Variants in PTPN3 observed in about 807,000 individuals in gnomAD.
PTPN3 encodes the protein tyrosine-protein phosphatase non-receptor type 3.
PTPN3 carries 96 observed loss-of-function variants against 132.7 expected under a neutral mutation model. The observed-to-expected ratio is 0.72, with a 90% CI of 0.61 to 0.86. PTPN3 has a LOEUF of 0.86. Ranked by LOEUF, PTPN3 falls within the 40% of genes least tolerant of loss-of-function variation. The pLI is 0.00. For synonymous variants in PTPN3, 398 were observed against 429.0 expected (o/e 0.93, Z 0.89); for missense variants, 1,125 against 1,159.6 (o/e 0.97, Z 0.43).
At chr9:109,433,916 TAAA>T (rs1170933792) in intron 9 of PTPN3, among the ~76,000 whole-genome samples, 4,304 of 98,290 alleles carry the variant, frequency 0.044, 262 homozygotes, top group East Asian at 0.26. Context: ...AGACTCTGTT[TAAA>T]AAAAAAAAAA....
intron 19 of PTPN3, among the ~76,000 whole-genome samples, chr9:109,402,640 G>C (rs1377053998): frequency 6.6e-6 from 1 of 152,078 alleles, no homozygotes; most frequent in Non-Finnish European, 1.5e-5. Flanking sequence ...GAAAAAAAGG[G>C]CTATTTCCCT....
At chr9:109,423,658 C>A (rs1033900620) in intron 12 of PTPN3, among the ~76,000 whole-genome samples, 3 of 152,120 alleles carry the variant, frequency 2.0e-5, no homozygotes, top group African/African-American at 7.2e-5. Context: ...AAATGTGCTA[C>A]CCTGAAGGTT....
intron 7 of PTPN3, among the ~76,000 whole-genome samples, chr9:109,444,744 A>G (rs1007500985): frequency 3.3e-5 from 5 of 152,226 alleles, no homozygotes; most frequent in Non-Finnish European, 7.3e-5. Flanking sequence ...ACAATCCATT[A>G]GCTATACTGC....
chr9:109,520,768 G>A, the PTPN3 span, among the ~76,000 whole-genome samples: 15 of 152,194 alleles, frequency 9.9e-5, no homozygotes, highest in Non-Finnish European at 1.5e-5. Context: ...TGCGTCCACA[G>A]AAGGCCACAA....
At chr9:109,415,110 C>G (rs1401707147) in intron 14 of PTPN3, among the ~76,000 whole-genome samples, 1 of 151,480 alleles carries the variant, frequency 6.6e-6, no homozygotes, top group Non-Finnish European at 1.5e-5. Context: ...ATCCATCCAT[C>G]CATCCATCCA....
At chr9:109,421,308 A>G (rs1260406023) in intron 13 of PTPN3, among the ~76,000 whole-genome samples, 1 of 152,142 alleles carries the variant, frequency 6.6e-6, no homozygotes, top group Non-Finnish European at 1.5e-5. Flanking sequence ...CAGCTCCTGC[A>G]GCGGGGGATC....
intron 9 of PTPN3, among the ~76,000 whole-genome samples, chr9:109,435,619 C>T (rs911611085): frequency 2.0e-5 from 3 of 152,188 alleles, no homozygotes; most frequent in African/African-American, 7.2e-5. Context: ...TGACCAACCC[C>T]CTCTGATACT....
the PTPN3 span, among the ~76,000 whole-genome samples, chr9:109,507,175 C>G: frequency 6.6e-6 from 1 of 152,118 alleles, no homozygotes; most frequent in African/African-American, 2.4e-5. Flanking sequence ...AGGGATGGAA[C>G]AGAAGAGAGC....
intron 1 of PTPN3, among the ~76,000 whole-genome samples, chr9:109,477,509 A>T (rs1401653310): frequency 6.6e-6 from 1 of 152,246 alleles, no homozygotes; most frequent in Non-Finnish European, 1.5e-5. Context: ...TGATTTCAGA[A>T]GCATTAAAGT....
chr9:109,436,938 T>C lies in PTPN3; in HGVS notation c.620A>G (p.Tyr207Cys). 5 of 1,614,138 alleles carry C rather than the reference T, an allele frequency of 3.1e-6. No individual in the cohort carries two copies. The highest frequency in any genetic ancestry group is 4.2e-6 in the Non-Finnish European group (5 of 1,179,992). ...GTCGAGGGTCCGCGCTATGTTGATA[T>C]AGCAGGATTCTGCTTCTGATTGTTT... ...GLKQSEAESC[Y>C]INIARTLDFY... is the part of the protein sequence containing the mutation. The change falls in exon 9 of 26, where the codon TAT becomes TGT. Residue 207 changes from tyrosine to cysteine, a missense_variant. Coordinates refer to ENST00000374541, the MANE Select transcript of PTPN3 (RefSeq NM_002829.4).
the PTPN3 span, among the ~76,000 whole-genome samples, chr9:109,520,472 G>T: frequency 6.6e-6 from 1 of 152,250 alleles, no homozygotes; most frequent in South Asian, 2.1e-4. Flanking sequence ...TTGAGAGTTT[G>T]GAAAATTGAC....
chr9:109,438,702 G>A (rs1029345532), intron 7 of PTPN3, among the ~76,000 whole-genome samples: 1 of 152,190 alleles, frequency 6.6e-6, no homozygotes, highest in Admixed American at 6.5e-5. Flanking sequence ...ACTGGGTGTA[G>A]GCAGAAGGGA....
the PTPN3 span, among the ~76,000 whole-genome samples, chr9:109,525,258 A>G: frequency 3.3e-5 from 5 of 151,804 alleles, no homozygotes; most frequent in South Asian, 2.1e-4. Flanking sequence ...GGGTTTCACA[A>G]TGTTGCCCAG....
the PTPN3 span, among the ~76,000 whole-genome samples, chr9:109,536,682 G>A: frequency 6.6e-6 from 1 of 152,142 alleles, no homozygotes; most frequent in Non-Finnish European, 1.5e-5. Flanking sequence ...AATATGAGAA[G>A]AGCTAAGTGG....
At chr9:109,483,862 C>G (rs1847081189) in intron 1 of PTPN3, among the ~76,000 whole-genome samples, 1 of 152,166 alleles carries the variant, frequency 6.6e-6, no homozygotes, top group Non-Finnish European at 1.5e-5. Context: ...GGCTCCCCAT[C>G]ATTAATCATG....
chr9:109,440,898 C>A (rs1384513839), intron 7 of PTPN3, among the ~76,000 whole-genome samples: 1 of 152,184 alleles, frequency 6.6e-6, no homozygotes, highest in African/African-American at 2.4e-5. Context: ...CTGTGCTAAC[C>A]ACTAGGGGGA....
intron 4 of PTPN3, among the ~76,000 whole-genome samples, chr9:109,455,026 A>C (rs1984006): frequency 0.27 from 40,343 of 152,132 alleles, 5,784 homozygotes; most frequent in South Asian, 0.4. Flanking sequence ...TGGTAGCCCC[A>C]TTTTACAGAT....
chr9:109,387,255 G>T (rs1839666743), intron 22 of PTPN3, among the ~76,000 whole-genome samples: 1 of 152,326 alleles, frequency 6.6e-6, no homozygotes, highest in South Asian at 2.1e-4. Flanking sequence ...AGATCCATTT[G>T]CTGAACCAAC....
chr9:109,447,526 T>C (rs1171691067), intron 6 of PTPN3, among the ~76,000 whole-genome samples: 1 of 152,094 alleles, frequency 6.6e-6, no homozygotes, highest in East Asian at 1.9e-4. Context: ...CATTCCTACC[T>C]TGAATGGCAG....
Sources: allele counts gnomAD v4.1 joint callset (sites outside exome capture counted in the v4.1 genomes callset), GRCh38; gene constraint gnomAD v4.1.1; transcripts MANE v1.5; gene names NCBI Gene and HGNC (gene_info 2026-07-23, HGNC 2026-07-21).